The following NHEJ1 variants were observed in gnomAD, a reference collection of about 807,000 sequenced individuals.
NHEJ1 encodes non-homologous end-joining factor 1.
A neutral mutation model predicts 39.4 loss-of-function variants in NHEJ1; 22 were observed. That is an observed-to-expected ratio of 0.56 (90% CI 0.40 to 0.80). NHEJ1 has a LOEUF of 0.80. NHEJ1 is among the 30% of genes least tolerant of loss of function. The pLI is 0.00. For synonymous variants in NHEJ1, 154 were observed against 135.6 expected (o/e 1.14, Z -0.94); for missense variants, 329 against 357.1 (o/e 0.92, Z 0.63).
intron 5 of NHEJ1, among the ~76,000 whole-genome samples, chr2:219,081,549 G>C (rs192067601): frequency 6.6e-6 from 1 of 152,294 alleles, no homozygotes; most frequent in Non-Finnish European, 1.5e-5. Flanking sequence ...CTATGTGCCA[G>C]GCATTACAGG....
In NHEJ1 at chr2:219,152,945, G is replaced by C. The variant is rs142193082; in HGVS notation, c.390+4527C>G. Among the ~76,000 whole-genome samples the C allele has an allele frequency of 3.6e-3, 550 of 152,052 alleles. 2 individuals carry two copies. Among genetic ancestry groups the C allele is most frequent in the African/African-American group, 0.013 (522 of 41,434 alleles). On this transcript the variant is annotated intron_variant, in intron 3 of 7. Coordinates refer to ENST00000356853, the MANE Select transcript of NHEJ1 (RefSeq NM_024782.3). Reference sequence around the variant, plus strand: ...AGCCTCCTGAGCAGCTGAGATTACAGGCATGCACCACCATGCCCGGCTAAT... The same window carrying C: ...AGCCTCCTGAGCAGCTGAGATTACACGCATGCACCACCATGCCCGGCTAAT...
chr2:219,095,279 T>TA (rs1269491614), intron 5 of NHEJ1: 1 of 470,498 alleles, frequency 2.1e-6, no homozygotes, highest in South Asian at 1.6e-5. Context: ...CTTACCATGA[T>TA]AAAAAGAGAC....
intron 5 of NHEJ1, among the ~76,000 whole-genome samples, chr2:219,082,358 C>A: frequency 6.6e-6 from 1 of 152,212 alleles, no homozygotes; most frequent in East Asian, 1.9e-4. Flanking sequence ...GTCCAACCTC[C>A]CCTCTTTAGA....
At chr2:219,084,913 G>C (rs1949098300) in intron 5 of NHEJ1, among the ~76,000 whole-genome samples, 1 of 152,162 alleles carries the variant, frequency 6.6e-6, no homozygotes, top group Non-Finnish European at 1.5e-5. Context: ...AGCACAAACA[G>C]CTTGCTTCCA....
intron 5 of NHEJ1, among the ~76,000 whole-genome samples, chr2:219,136,161 G>A (rs1477794436): frequency 1.3e-5 from 2 of 152,132 alleles, no homozygotes; most frequent in Non-Finnish European, 1.5e-5. Flanking sequence ...TGAGATATGG[G>A]AAACTCCTTT....
intron 5 of NHEJ1, among the ~76,000 whole-genome samples, chr2:219,080,348 C>A (rs539452424): frequency 3.0e-4 from 46 of 151,746 alleles, no homozygotes; most frequent in African/African-American, 1.1e-3. Context: ...CACGGTGAAA[C>A]CGCATCTCTA....
intron 5 of NHEJ1, among the ~76,000 whole-genome samples, chr2:219,121,707 T>C (rs1159634347): frequency 6.6e-6 from 1 of 151,848 alleles, no homozygotes; most frequent in East Asian, 1.9e-4. Flanking sequence ...CTGGACATGC[T>C]CCTAGCTACT....
rs369203974 is a variant in NHEJ1 at position 219,132,367 on chromosome 2, G to A, written c.588+14313C>T. Among the ~76,000 whole-genome samples, 18 of 152,240 alleles carry A rather than the reference G, an allele frequency of 1.2e-4. 1 individual carries two copies. In the East Asian group the frequency reaches 1.5e-3, roughly 13 times the overall value. On this transcript the variant is annotated intron_variant, in intron 5 of 7. Coordinates refer to ENST00000356853, the MANE Select transcript of NHEJ1 (RefSeq NM_024782.3). ...TGTACTCACTAAACTCAGCAATTTC[G>A]CTATGCTCTTCCCCTAGCTGCTGGG...
At chr2:219,153,514 G>A (rs769597565) in intron 3 of NHEJ1, among the ~76,000 whole-genome samples, 4 of 152,218 alleles carry the variant, frequency 2.6e-5, no homozygotes, top group Non-Finnish European at 4.4e-5. Context: ...GATGAAGTCT[G>A]TCCTAAATGA....
At chr2:219,134,941 G>A (rs963929680) in intron 5 of NHEJ1, among the ~76,000 whole-genome samples, 2 of 150,668 alleles carry the variant, frequency 1.3e-5, no homozygotes, top group African/African-American at 4.9e-5. Context: ...TCGGGATGCT[G>A]AGGCAGGAGA....
chr2:219,091,910 C>T (rs1034887712), intron 5 of NHEJ1, among the ~76,000 whole-genome samples: 1 of 151,998 alleles, frequency 6.6e-6, no homozygotes, highest in African/African-American at 2.4e-5. Flanking sequence ...GAGCAGAATC[C>T]GGGACAAAGT....
intron 5 of NHEJ1, among the ~76,000 whole-genome samples, chr2:219,097,253 G>A (rs531543492): frequency 1.3e-5 from 2 of 152,298 alleles, no homozygotes; most frequent in South Asian, 2.1e-4. Context: ...CCCATCATAA[G>A]TCAAGGGACA....
At chr2:219,110,775 T>C (rs544461463) in intron 5 of NHEJ1, among the ~76,000 whole-genome samples, 1 of 152,084 alleles carries the variant, frequency 6.6e-6, no homozygotes, top group South Asian at 2.1e-4. Flanking sequence ...AGTGAGAAGG[T>C]CCTGAGGTGG....
At chr2:219,100,475 G>A (rs936703539) in intron 5 of NHEJ1, among the ~76,000 whole-genome samples, 2 of 151,894 alleles carry the variant, frequency 1.3e-5, no homozygotes, top group East Asian at 3.9e-4. Flanking sequence ...GCTGGGGATG[G>A]TAGTGCACAC....
intron 3 of NHEJ1, among the ~76,000 whole-genome samples, chr2:219,153,490 A>C (rs911289770): frequency 2.6e-5 from 4 of 152,236 alleles, no homozygotes; most frequent in Admixed American, 2.6e-4. Flanking sequence ...AACAGACAAC[A>C]GGAAAGAGTA....
intron 5 of NHEJ1, among the ~76,000 whole-genome samples, chr2:219,094,637 T>TA (rs1173203176): frequency 2.6e-5 from 4 of 152,196 alleles, no homozygotes; most frequent in Non-Finnish European, 2.9e-5. Context: ...TAGGTTTCAC[T>TA]AAGCAGGAGA....
intron 5 of NHEJ1, among the ~76,000 whole-genome samples, chr2:219,140,338 T>C (rs1001705156): frequency 6.6e-5 from 10 of 152,204 alleles, no homozygotes; most frequent in Admixed American, 2.6e-4. Flanking sequence ...GTGAAGGGCT[T>C]TGAGCAGAAG....
chr2:219,072,035 G>C lies in NHEJ1; in HGVS notation c.*4346C>G, dbSNP rs1948961775. Among the ~76,000 whole-genome samples, 4 of 152,192 alleles carry C rather than the reference G, an allele frequency of 2.6e-5. No homozygotes were observed. ...CCACAAAAAAAGTCTCAGAAGATGG[G>C]ATGAAAGATCAAGAAAGATGGACTT... On this transcript the variant is annotated 3_prime_UTR_variant, in exon 8 of 8. Transcript: ENST00000356853.
intron 5 of NHEJ1, among the ~76,000 whole-genome samples, chr2:219,137,923 C>T (rs1405940583): frequency 1.3e-5 from 2 of 152,164 alleles, no homozygotes; most frequent in Non-Finnish European, 2.9e-5. Context: ...ACCTTATATG[C>T]TCACAGAACC....
Sources: gnomAD v4.1 joint callset for allele counts (sites outside exome capture counted in the v4.1 genomes callset) on GRCh38, gnomAD v4.1.1 for gene constraint, MANE v1.5 for transcripts, NCBI Gene and HGNC (gene_info 2026-07-23, HGNC 2026-07-21) for gene names.